Variants in ANK2 observed in about 807,000 individuals in gnomAD.
ANK2 encodes the protein ankyrin 2.
ANK2 carries 83 observed loss-of-function variants against 360.5 expected under a neutral mutation model. The ratio of observed to expected loss-of-function variants is 0.23; its 90% CI spans 0.19 to 0.28. ANK2 has a LOEUF of 0.28. ANK2 is among the 10% of genes least tolerant of loss of function. The pLI is 1.00. For synonymous variants in ANK2, 1,740 were observed against 1,759.5 expected, an observed-to-expected ratio of 0.99 and a Z score of 0.28; for missense variants, 4,201 against 4,795.7, an observed-to-expected ratio of 0.88 and a Z score of 3.66.
intron 27 of ANK2, among the ~76,000 whole-genome samples, chr4:113,331,428 C>T (rs1215194762): frequency 6.6e-6 from 1 of 152,156 alleles, no homozygotes; most frequent in Non-Finnish European, 1.5e-5. Flanking sequence ...CCAATTATAG[C>T]AACCACTTCT....
intron 22 of ANK2, among the ~76,000 whole-genome samples, chr4:113,300,155 T>C (rs2074204491): frequency 6.6e-6 from 1 of 152,188 alleles, no homozygotes. Flanking sequence ...TCCAGATTTT[T>C]GGATGGATAC....
intron 13 of ANK2, among the ~76,000 whole-genome samples, chr4:113,262,773 A>G (rs1296747721): frequency 6.6e-6 from 1 of 152,130 alleles, no homozygotes; most frequent in African/African-American, 2.4e-5. Flanking sequence ...TGCATAGGTT[A>G]CTTGCAAATA....
intron 2 of ANK2, among the ~76,000 whole-genome samples, chr4:112,959,130 G>A (rs2033246099): frequency 6.6e-6 from 1 of 152,092 alleles, no homozygotes; most frequent in African/African-American, 2.4e-5. Flanking sequence ...GATTACACAC[G>A]TGAGCCACCG....
intron 13 of ANK2, among the ~76,000 whole-genome samples, chr4:113,262,120 C>G (rs550333690): frequency 1.1e-4 from 16 of 152,244 alleles, no homozygotes; most frequent in Admixed American, 2.6e-4. Flanking sequence ...ACCTCTTTGA[C>G]TTTTAACTTC....
rs575227127 is a variant in ANK2 at position 113,340,405 on chromosome 4, A to T, written c.3893+1083A>T. ...ATGTAGTCTATAATTCAAAAATAAT[A>T]CTTGAGGCTGGGCCTGGTGGCTCAT... On this transcript the variant is annotated intron_variant, in intron 32 of 45. Coordinates refer to ENST00000357077, the MANE Select transcript of ANK2 (RefSeq NM_001148.6). 2.0e-5 allele frequency among the ~76,000 whole-genome samples: 3 copies of T among 152,306 alleles called. No homozygotes were observed. The South Asian group carries it at 6.2e-4, about 32-fold the overall frequency.
At chr4:113,031,286 A>AT (rs2060345302) in intron 2 of ANK2, 1 of 152,072 alleles carries the variant, frequency 6.6e-6, no homozygotes, top group Admixed American at 6.6e-5. Context: ...TAATTTATTA[A>AT]TTGGCTCAAA....
the ANK2 span, among the ~76,000 whole-genome samples, chr4:112,730,506 G>A: frequency 6.6e-6 from 1 of 150,458 alleles, no homozygotes; most frequent in African/African-American, 2.4e-5. Flanking sequence ...GTATGGTGGT[G>A]GGCACCAGTA....
intron 1 of ANK2, among the ~76,000 whole-genome samples, chr4:112,854,403 A>G (rs1416272945): frequency 1.3e-5 from 2 of 152,204 alleles, no homozygotes; most frequent in Non-Finnish European, 2.9e-5. Flanking sequence ...GACACTGAAG[A>G]TAATGCAGGC....
At chr4:113,072,002 C>T (rs2077742390) in intron 1 of ANK2, 1 of 152,194 alleles carries the variant, frequency 6.6e-6, no homozygotes, top group Non-Finnish European at 1.5e-5. Context: ...AACTCACTAT[C>T]AGGAGAACAG....
chr4:112,850,066 C>G (rs1375609013), intron 1 of ANK2, among the ~76,000 whole-genome samples: 1 of 152,086 alleles, frequency 6.6e-6, no homozygotes, highest in Non-Finnish European at 1.5e-5. Flanking sequence ...AAGATTTATA[C>G]CACTGGATCC....
At chr4:113,091,472 A>G (rs1419905731) in intron 1 of ANK2, among the ~76,000 whole-genome samples, 1 of 152,186 alleles carries the variant, frequency 6.6e-6, no homozygotes, top group Admixed American at 6.5e-5. Context: ...TTTTTTCCAG[A>G]GTAGTTATCA....
chr4:113,153,594 T>G (rs2097170966), intron 1 of ANK2, among the ~76,000 whole-genome samples: 1 of 152,236 alleles, frequency 6.6e-6, no homozygotes, highest in Non-Finnish European at 1.5e-5. Context: ...CTTATGATAT[T>G]CAGCTTTTTA....
At chr4:113,338,480 C>G (rs975880177) in intron 31 of ANK2, among the ~76,000 whole-genome samples, 1 of 146,710 alleles carries the variant, frequency 6.8e-6, no homozygotes, top group African/African-American at 2.5e-5. Context: ...TCGAGAGGAA[C>G]TTTTTTGAAA....
chr4:112,925,861 T>G (rs1337519582), intron 2 of ANK2, among the ~76,000 whole-genome samples: 1 of 152,222 alleles, frequency 6.6e-6, no homozygotes, highest in Non-Finnish European at 1.5e-5. Flanking sequence ...GGGAGAAAGC[T>G]TTAGTGGTCA....
At chr4:113,188,320 G>A (rs1267733236) in intron 2 of ANK2, among the ~76,000 whole-genome samples, 1 of 152,130 alleles carries the variant, frequency 6.6e-6, no homozygotes, top group African/African-American at 2.4e-5. Context: ...TGGGACACAG[G>A]AAAGCTTCTA....
intron 1 of ANK2, among the ~76,000 whole-genome samples, chr4:113,108,075 C>G (rs771522421): frequency 1.3e-5 from 2 of 151,176 alleles, no homozygotes; most frequent in African/African-American, 2.5e-5. Context: ...GATGTCCAGT[C>G]AAGACCTTTT....
At chr4:113,281,013 C>T (rs1270119688) in intron 17 of ANK2, among the ~76,000 whole-genome samples, 2 of 152,026 alleles carry the variant, frequency 1.3e-5, no homozygotes, top group African/African-American at 4.8e-5. Context: ...TCTGATCAGA[C>T]CCTGAAAAGG....
At chr4:112,827,529 C>T in intron 1 of ANK2, 1 of 1,187,980 alleles carries the variant, frequency 8.4e-7, no homozygotes, top group African/African-American at 1.5e-5. Context: ...GAATCTGCCT[C>T]AGGGACTTGA....
intron 2 of ANK2, among the ~76,000 whole-genome samples, chr4:112,966,547 T>A (rs2037340115): frequency 6.6e-6 from 1 of 152,084 alleles, no homozygotes; most frequent in Admixed American, 6.5e-5. Flanking sequence ...AATAAGAGTT[T>A]CTTCACGTTT....
Sources: gnomAD v4.1 joint callset for allele counts (sites outside exome capture counted in the v4.1 genomes callset) on GRCh38, gnomAD v4.1.1 for gene constraint, MANE v1.5 for transcripts, NCBI Gene and HGNC (gene_info 2026-07-23, HGNC 2026-07-21) for gene names.